The following MAP4 variants were observed in gnomAD, a reference collection of about 807,000 sequenced individuals.
MAP4 encodes microtubule associated protein 4, also known as microtubule-associated protein 4.
Under a neutral mutation model 170.2 loss-of-function variants are expected in MAP4, and 76 were observed. The observed-to-expected ratio is 0.45, with a 90% CI of 0.37 to 0.54. MAP4 has a LOEUF of 0.54. MAP4 is among the 20% of genes least tolerant of loss of function. The pLI, the probability that MAP4 is intolerant of heterozygous loss-of-function variation, is 0.00. For synonymous variants in MAP4, 909 were observed against 994.5 expected, an observed-to-expected ratio of 0.91 and a Z score of 1.62; for missense variants, 2,506 against 2,748.0, an observed-to-expected ratio of 0.91 and a Z score of 1.97.
intron 5 of MAP4, among the ~76,000 whole-genome samples, chr3:47,921,231 C>T (rs2100042678): frequency 6.6e-6 from 1 of 152,338 alleles, no homozygotes; most frequent in South Asian, 2.1e-4. Context: ...GTCACACCCA[C>T]AGCCCCTAAA....
intron 4 of MAP4, among the ~76,000 whole-genome samples, chr3:47,926,975 G>A (rs1385990664): frequency 6.6e-6 from 1 of 152,022 alleles, no homozygotes; most frequent in Non-Finnish European, 1.5e-5. Flanking sequence ...GATCAGCCTG[G>A]CCAACATGGT....
chr3:48,041,137 GT>G (rs1250585762), intron 1 of MAP4, among the ~76,000 whole-genome samples: 1 of 152,080 alleles, frequency 6.6e-6, no homozygotes, highest in African/African-American at 2.4e-5. Context: ...TTGAGATGGA[GT>G]TTTGCTCCTG....
chr3:47,933,503 T>G (rs2100051051), intron 3 of MAP4, among the ~76,000 whole-genome samples: 1 of 151,908 alleles, frequency 6.6e-6, no homozygotes, highest in South Asian at 2.1e-4. Flanking sequence ...GGTAGTACGA[T>G]CATAGCTCAC....
intron 4 of MAP4, among the ~76,000 whole-genome samples, 171 bp from the exon 5 acceptor site, chr3:47,922,049 G>C (rs369347984): frequency 4.7e-4 from 71 of 152,000 alleles, no homozygotes; most frequent in African/African-American, 1.7e-3. Flanking sequence ...CCAGGTTCAA[G>C]CAATTCTCCT....
At chr3:47,948,550 A>AGG (rs2100061618) in intron 3 of MAP4, among the ~76,000 whole-genome samples, 1 of 152,040 alleles carries the variant, frequency 6.6e-6, no homozygotes, top group Non-Finnish European at 1.5e-5. Context: ...TTCTATAGAA[A>AGG]GGGGTGTTAA....
At chr3:48,017,092 C>A (rs1170830615), upstream of MAP4, among the ~76,000 whole-genome samples, 3 of 151,874 alleles carry the variant, frequency 2.0e-5, no homozygotes, top group Non-Finnish European at 4.4e-5. Flanking sequence ...AAGGCTTACA[C>A]CAGTTGAACT....
Position 47,852,684 on chromosome 3 carries a change from G to C in MAP4, c.*250C>G. ...AAGCAGGGAGATGGGCCCAGGCTGG[G>C]GAGTGAGAGGAGGTGTGGGGCAGGG... On this transcript the variant is annotated 3_prime_UTR_variant, in exon 21 of 21. Coordinates refer to ENST00000683076, the MANE Select transcript of MAP4 (RefSeq NM_001385682.1). 1 of 1,401,006 alleles carries C rather than the reference G, an allele frequency of 7.1e-7. No individual in the cohort carries two copies. The highest frequency in any genetic ancestry group is 9.5e-7 in the Non-Finnish European group (1 of 1,048,902). The allele number at this position is 1,401,006 out of a possible 1,614,324, so 86.8% of individuals were successfully genotyped here.
intron 1 of MAP4, among the ~76,000 whole-genome samples, chr3:48,035,735 T>A (rs2100118466): frequency 6.6e-6 from 1 of 151,296 alleles, no homozygotes; most frequent in Non-Finnish European, 1.5e-5. Context: ...AGGTCAGGAG[T>A]TCGAGATCAG....
rs557792963 is a variant in MAP4 at position 47,966,407 on chromosome 3, C to T, written c.292+11458G>A. The stretch of plus-strand genomic sequence containing the variant: ...GACTACAGGCGCCTGCCACCATGCC[C>T]GGCTAATTTTTTGTATTTTTTAGTA... On this transcript the variant is annotated intron_variant, in intron 3 of 20. Transcript: ENST00000683076. 4.0e-5 allele frequency among the ~76,000 whole-genome samples: 6 copies of T among 151,754 alleles called. No homozygotes were observed. In the East Asian group the frequency reaches 9.7e-4, roughly 24 times the overall value.
At chr3:47,958,103 T>A (rs1232238919) in intron 3 of MAP4, among the ~76,000 whole-genome samples, 1 of 152,158 alleles carries the variant, frequency 6.6e-6, no homozygotes, top group African/African-American at 2.4e-5. Flanking sequence ...AACCTACTGG[T>A]TGGGAAAGAT....
intron 3 of MAP4, among the ~76,000 whole-genome samples, chr3:47,935,496 C>T (rs2100052183): frequency 6.6e-6 from 1 of 152,134 alleles, no homozygotes; most frequent in Admixed American, 6.6e-5. Flanking sequence ...TAAAGGGAAA[C>T]CCACCCCTAG....
chr3:48,041,887 A>G (rs1468498757), intron 1 of MAP4, among the ~76,000 whole-genome samples: 2 of 152,218 alleles, frequency 1.3e-5, no homozygotes, highest in African/African-American at 4.8e-5. Context: ...AATAGTCAAG[A>G]CAATGTGGTA....
intron 1 of MAP4, among the ~76,000 whole-genome samples, chr3:48,015,824 G>C (rs1177493207): frequency 6.6e-6 from 1 of 152,188 alleles, no homozygotes; most frequent in Non-Finnish European, 1.5e-5. Flanking sequence ...AGACACATAT[G>C]ATTCCTCAGA....
At chr3:47,972,097 T>C (rs1183145848) in intron 3 of MAP4, among the ~76,000 whole-genome samples, 1 of 152,234 alleles carries the variant, frequency 6.6e-6, no homozygotes, top group Non-Finnish European at 1.5e-5. Context: ...TTAACTAAAA[T>C]GTCTGCCAAG....
intron 10 of MAP4, among the ~76,000 whole-genome samples, chr3:47,886,248 G>A (rs2097569709): frequency 6.6e-6 from 1 of 152,176 alleles, no homozygotes; most frequent in African/African-American, 2.4e-5. Flanking sequence ...TCTCCCAGAA[G>A]GTAGTTCTCA....
intron 1 of MAP4, among the ~76,000 whole-genome samples, chr3:48,056,427 C>T (rs2100131644): frequency 1.1e-5 from 1 of 87,494 alleles, no homozygotes; most frequent in Non-Finnish European, 2.4e-5. Flanking sequence ...CCGCCCCGTC[C>T]GGGAGGGAGG....
chr3:47,943,794 C>T (rs997532713), intron 3 of MAP4, among the ~76,000 whole-genome samples: 4 of 152,022 alleles, frequency 2.6e-5, no homozygotes, highest in African/African-American at 7.2e-5. Context: ...ACATAGCACA[C>T]TTGTTTTGCT....
At chr3:48,068,152 C>T (rs2100139193) in intron 1 of MAP4, among the ~76,000 whole-genome samples, 1 of 150,740 alleles carries the variant, frequency 6.6e-6, no homozygotes, top group Non-Finnish European at 1.5e-5. Context: ...GTAATCCCAG[C>T]TACTCAGGAG....
At chr3:47,963,210 T>C (rs1256645578) in intron 3 of MAP4, among the ~76,000 whole-genome samples, 1 of 152,188 alleles carries the variant, frequency 6.6e-6, no homozygotes, top group Non-Finnish European at 1.5e-5. Flanking sequence ...ACCAATTAAG[T>C]AGGAAAAGGG....
Sources: gnomAD v4.1 joint callset for allele counts (sites outside exome capture counted in the v4.1 genomes callset) on GRCh38, gnomAD v4.1.1 for gene constraint, MANE v1.5 for transcripts, NCBI Gene and HGNC (gene_info 2026-07-23, HGNC 2026-07-21) for gene names.